MYO1E: variants seen among roughly 807,000 people sequenced by gnomAD.
The protein encoded by MYO1E is myosin IE.
Under a neutral mutation model 151.1 loss-of-function variants are expected in MYO1E, and 68 were observed. That is an observed-to-expected ratio of 0.45 (90% CI 0.37 to 0.55). MYO1E has a LOEUF of 0.55. MYO1E is among the 20% of genes least tolerant of loss of function. The pLI is 0.00. For missense variants in MYO1E, 1,363 were observed against 1,389.3 expected, an observed-to-expected ratio of 0.98 and a Z score of 0.30; for synonymous variants, 601 against 501.7, an observed-to-expected ratio of 1.20 and a Z score of -2.64.
At chr15:59,274,675 C>T (rs1037440785) in intron 1 of MYO1E, among the ~76,000 whole-genome samples, 5 of 152,092 alleles carry the variant, frequency 3.3e-5, no homozygotes, top group Non-Finnish European at 4.4e-5. Context: ...TGTATTGATC[C>T]GAAGAAACTG....
intron 4 of MYO1E, among the ~76,000 whole-genome samples, chr15:59,243,805 G>T (rs1249145708): frequency 8.5e-6 from 1 of 117,308 alleles, no homozygotes; most frequent in African/African-American, 2.6e-5. Flanking sequence ...ACATCACTGT[G>T]ATCATAAGAC....
At chr15:59,214,832 G>C in intron 10 of MYO1E, 112 bp from the exon 11 acceptor site, 1 of 836,480 alleles carries the variant, frequency 1.2e-6, no homozygotes, top group East Asian at 2.4e-5. Context: ...CTGCTTGCAG[G>C]AAACAGAGGA....
At chr15:59,310,760 G>A (rs79953000) in intron 1 of MYO1E, among the ~76,000 whole-genome samples, 2 of 152,292 alleles carry the variant, frequency 1.3e-5, no homozygotes, top group African/African-American at 4.8e-5. Context: ...TGACCACCAA[G>A]ATGAAACAAG....
intron 23 of MYO1E, among the ~76,000 whole-genome samples, chr15:59,162,707 G>A (rs1423391429): frequency 6.6e-6 from 1 of 150,932 alleles, no homozygotes; most frequent in Non-Finnish European, 1.5e-5. Flanking sequence ...ACAATACGTT[G>A]GCCACCTATA....
intron 9 of MYO1E, among the ~76,000 whole-genome samples, chr15:59,222,849 G>A (rs1235597890): frequency 6.6e-6 from 1 of 152,202 alleles, no homozygotes; most frequent in Admixed American, 6.5e-5. Flanking sequence ...GATGGTGTGG[G>A]ACTTGGAAAG....
rs1404994722 is a variant in MYO1E at position 59,206,782 on chromosome 15, T to G, written c.1531-1297A>C. ...CCCACGGAAAGCACGTGTCGGAGAC[T>G]CTGGCAAGGCCCGCGCAGCCGCAGT... On this transcript the variant is annotated intron_variant, in intron 14 of 27. Transcript: ENST00000288235. The G allele has an allele frequency of 5.2e-5, 35 of 672,156 alleles. No homozygotes were observed. The East Asian group carries it at 5.5e-4, about 11-fold the overall frequency. 41.6% of individuals were successfully genotyped at this position (672,156 alleles called of 1,614,324 possible).
rs575616454 is a variant in MYO1E at position 59,207,550 on chromosome 15, A to C, written c.1530+1131T>G. On this transcript the variant is annotated intron_variant, in intron 14 of 27. Coordinates refer to ENST00000288235, the MANE Select transcript of MYO1E (RefSeq NM_004998.4). ...AGCTTGGAAGTTGAGTGCATTTCCCAAAAACCGTATTATTGGAAGCGGCTG... is the reference window on the plus strand; with the variant it reads ...AGCTTGGAAGTTGAGTGCATTTCCCCAAAACCGTATTATTGGAAGCGGCTG... 14 of 1,614,082 alleles carry C rather than the reference A, an allele frequency of 8.7e-6. No homozygotes were observed. In the South Asian group the frequency reaches 1.5e-4, roughly 18 times the overall value.
chr15:59,298,488 C>T (rs2080464039), intron 1 of MYO1E, among the ~76,000 whole-genome samples: 1 of 152,058 alleles, frequency 6.6e-6, no homozygotes, highest in East Asian at 1.9e-4. Context: ...TCTTAATGGC[C>T]CAGACAGCAC....
intron 1 of MYO1E, among the ~76,000 whole-genome samples, chr15:59,345,344 A>C (rs1190197365): frequency 1.3e-5 from 2 of 152,236 alleles, no homozygotes; most frequent in East Asian, 1.9e-4. Flanking sequence ...TTTAACTCTT[A>C]CCACACATTA....
At chr15:59,342,041 T>C (rs543420555) in intron 1 of MYO1E, among the ~76,000 whole-genome samples, 11 of 152,222 alleles carry the variant, frequency 7.2e-5, no homozygotes, top group Non-Finnish European at 1.2e-4. Context: ...CAGCATTCAT[T>C]ATTGCCCGTC....
intron 2 of MYO1E, among the ~76,000 whole-genome samples, chr15:59,271,323 G>T (rs1305236516): frequency 7.9e-5 from 12 of 152,172 alleles, no homozygotes; most frequent in Admixed American, 5.2e-4. Flanking sequence ...AAAAATCTAA[G>T]ATGTATATTA....
chr15:59,230,595 G>C (rs2080022375), intron 6 of MYO1E, among the ~76,000 whole-genome samples: 1 of 151,866 alleles, frequency 6.6e-6, no homozygotes, highest in Non-Finnish European at 1.5e-5. Context: ...ACTTCTTCAG[G>C]ATAACACAAC....
intron 1 of MYO1E, among the ~76,000 whole-genome samples, chr15:59,337,098 C>T (rs1388681266): frequency 6.6e-6 from 1 of 151,500 alleles, no homozygotes; most frequent in East Asian, 1.9e-4. Context: ...AATTGTTTAT[C>T]TTTTACAAAG....
At position 59,153,927 on chromosome 15, in the gene MYO1E, T is replaced by C; in HGVS notation, c.2879-136A>G. On this transcript the variant is annotated intron_variant, in intron 25 of 27. Transcript: ENST00000288235. Reference sequence around the variant, plus strand: ...TCTCAATTTCCGCATTTGAAAAAAATGGAAGGCATCACTGCTAACACATTG... The same window carrying C: ...TCTCAATTTCCGCATTTGAAAAAAACGGAAGGCATCACTGCTAACACATTG... 3.7e-6 allele frequency: 3 copies of C among 812,838 alleles called. No individual in the cohort carries two copies. The South Asian group carries it at 4.4e-5, about 12-fold the overall frequency. 50.4% of individuals were successfully genotyped at this position (812,838 alleles called of 1,614,324 possible).
At chr15:59,288,369 G>T (rs2140394760) in intron 1 of MYO1E, among the ~76,000 whole-genome samples, 1 of 152,150 alleles carries the variant, frequency 6.6e-6, no homozygotes, top group Non-Finnish European at 1.5e-5. Flanking sequence ...AGGGATGGGG[G>T]TCTCACTATG....
In MYO1E at chr15:59,221,009, A is replaced by AAT. The variant is rs1210993172; in HGVS notation, c.910+2048_910+2049dup. On this transcript the variant is annotated intron_variant, in intron 9 of 27. Transcript: ENST00000288235. ...ACATTATATATATAATTATATATAT[A>AAT]ATATATATATAAAATTTATATATAT... Among the ~76,000 whole-genome samples the AAT allele has an allele frequency of 4.1e-5, 6 of 145,840 alleles. No homozygotes were observed. In the East Asian group the frequency reaches 5.9e-4, roughly 14 times the overall value.
intron 1 of MYO1E, among the ~76,000 whole-genome samples, chr15:59,370,555 T>C (rs2140447208): frequency 6.6e-6 from 1 of 152,350 alleles, no homozygotes; most frequent in East Asian, 1.9e-4. Context: ...CCATCTGTGC[T>C]GATGGCAGGG....
At chr15:59,356,795 C>G (rs1480585348) in intron 1 of MYO1E, among the ~76,000 whole-genome samples, 1 of 152,088 alleles carries the variant, frequency 6.6e-6, no homozygotes, top group African/African-American at 2.4e-5. Context: ...TCCTGAACTC[C>G]TAAGCTCAAG....
intron 18 of MYO1E, among the ~76,000 whole-genome samples, chr15:59,183,735 A>G (rs1046219408): frequency 6.6e-6 from 1 of 152,146 alleles, no homozygotes; most frequent in Admixed American, 6.5e-5. Context: ...ATTATATTTG[A>G]CTATAGTCAC....
Sources: allele counts gnomAD v4.1 joint callset (sites outside exome capture counted in the v4.1 genomes callset), GRCh38; gene constraint gnomAD v4.1.1; transcripts MANE v1.5; gene names NCBI Gene and HGNC (gene_info 2026-07-23, HGNC 2026-07-21).